The following LRRIQ3 variants were observed in gnomAD, a reference collection of about 807,000 sequenced individuals.
LRRIQ3 encodes leucine-rich repeat and IQ domain-containing protein 3.
In LRRIQ3, 75 loss-of-function variants were observed where a neutral mutation model predicts 59.3. The observed-to-expected ratio is 1.26, with a 90% CI of 1.05 to 1.53. LRRIQ3 has a LOEUF of 1.53. Among genes scored for constraint, LRRIQ3 ranks in the 40% most tolerant of loss-of-function variants. The pLI, the probability that LRRIQ3 is intolerant of heterozygous loss-of-function variation, is 0.00. For missense variants in LRRIQ3, 831 were observed against 710.0 expected, an observed-to-expected ratio of 1.17 and a Z score of -1.94; for synonymous variants, 250 against 231.3, an observed-to-expected ratio of 1.08 and a Z score of -0.73.
At chr1:74,070,349 A>G (rs1447244781) in intron 6 of LRRIQ3, among the ~76,000 whole-genome samples, 1 of 152,116 alleles carries the variant, frequency 6.6e-6, no homozygotes, top group Admixed American at 6.6e-5. Context: ...GCTGGAGGCC[A>G]TTATTCTAAG....
chr1:74,116,825 G>C (rs1486984266), intron 4 of LRRIQ3, among the ~76,000 whole-genome samples: 4 of 151,912 alleles, frequency 2.6e-5, no homozygotes, highest in African/African-American at 7.2e-5. Context: ...TATGATAATA[G>C]GTAATATACC....
intron 4 of LRRIQ3, among the ~76,000 whole-genome samples, chr1:74,150,137 G>A (rs1647838017): frequency 1.3e-5 from 2 of 152,116 alleles, no homozygotes; most frequent in East Asian, 1.9e-4. Flanking sequence ...AAAATCAGAT[G>A]TAAAGATTGG....
intron 3 of LRRIQ3, chr1:74,182,058 G>T (rs990887426): frequency 6.6e-6 from 1 of 151,758 alleles, no homozygotes; most frequent in East Asian, 1.9e-4. Context: ...TAATTAGTCT[G>T]TATCCGTTAA....
Position 74,183,631 on chromosome 1 carries a change from G to C in LRRIQ3, c.54C>G (p.His18Gln). 2.5e-6 allele frequency: 4 copies of C among 1,611,248 alleles called. 1 individual carries two copies. The South Asian group carries it at 4.4e-5, about 18-fold the overall frequency. The change falls in exon 2 of 8, where the codon CAC becomes CAG. Residue 18 changes from histidine to glutamine, a missense_variant. Transcript: ENST00000354431. ...EELTSHEEWS[H>Q]YNENIREGQK... ...GACCTTCTCTTATGTTTTCATTATA[G>C]TGACTCCATTCTTCATGACTGGTTA...
intron 5 of LRRIQ3, among the ~76,000 whole-genome samples, chr1:74,077,765 T>C (rs1364747214): frequency 6.6e-6 from 1 of 151,932 alleles, no homozygotes; most frequent in South Asian, 2.1e-4. Context: ...CTAAAGGAAC[T>C]GAGGCTTACA....
At chr1:74,127,093 C>T (rs572070165) in intron 4 of LRRIQ3, among the ~76,000 whole-genome samples, 147 of 151,964 alleles carry the variant, frequency 9.7e-4, no homozygotes, top group African/African-American at 3.4e-3. Context: ...ACCTCTGTAC[C>T]ATTATATAAT....
chr1:74,193,713 T>C (rs1390963322), intron 1 of LRRIQ3, among the ~76,000 whole-genome samples: 1 of 152,066 alleles, frequency 6.6e-6, no homozygotes, highest in Admixed American at 6.6e-5. Context: ...CATCATTATT[T>C]TAAGTAATAT....
At chr1:74,045,817 A>G (rs1654185385) in intron 6 of LRRIQ3, among the ~76,000 whole-genome samples, 2 of 152,108 alleles carry the variant, frequency 1.3e-5, no homozygotes, top group Admixed American at 1.3e-4. Context: ...TATACCAATA[A>G]AAGACAAACA....
intron 4 of LRRIQ3, among the ~76,000 whole-genome samples, chr1:74,125,632 CT>C (rs2100596815): frequency 6.6e-6 from 1 of 151,948 alleles, no homozygotes; most frequent in South Asian, 2.1e-4. Flanking sequence ...TCCTTCAATT[CT>C]GTTAATATAA....
chr1:74,151,492 A>T (rs1647956008), intron 4 of LRRIQ3, among the ~76,000 whole-genome samples: 1 of 152,110 alleles, frequency 6.6e-6, no homozygotes, highest in African/African-American at 2.4e-5. Context: ...AGACAATTGT[A>T]AGCCCACTGC....
At chr1:74,096,188 T>C (rs1194398081) in intron 5 of LRRIQ3, among the ~76,000 whole-genome samples, 1 of 152,090 alleles carries the variant, frequency 6.6e-6, no homozygotes, top group Non-Finnish European at 1.5e-5. Context: ...TATCTGTTTA[T>C]ATATTAAATC....
At chr1:74,063,591 A>G (rs1654789260) in intron 6 of LRRIQ3, among the ~76,000 whole-genome samples, 1 of 151,902 alleles carries the variant, frequency 6.6e-6, no homozygotes, top group Non-Finnish European at 1.5e-5. Flanking sequence ...ATATATTTTT[A>G]TATTTGTTAT....
chr1:74,057,564 C>T (rs1477540948), intron 6 of LRRIQ3, among the ~76,000 whole-genome samples: 1 of 152,040 alleles, frequency 6.6e-6, no homozygotes, highest in Non-Finnish European at 1.5e-5. Context: ...TGAAACTAGA[C>T]CCCTATCTCT....
At chr1:74,071,633 G>A (rs904109221) in intron 6 of LRRIQ3, among the ~76,000 whole-genome samples, 4 of 152,076 alleles carry the variant, frequency 2.6e-5, no homozygotes, top group African/African-American at 9.7e-5. Flanking sequence ...ACTGAGATAA[G>A]ATCTTTGATT....
intron 7 of LRRIQ3, among the ~76,000 whole-genome samples, chr1:74,029,353 G>A (rs541510592): frequency 2.2e-4 from 33 of 152,216 alleles, no homozygotes; most frequent in Non-Finnish European, 4.9e-4. Flanking sequence ...CTGTGGGTTT[G>A]TCATAAATAG....
intron 5 of LRRIQ3, among the ~76,000 whole-genome samples, chr1:74,097,661 T>C (rs565522058): frequency 1.3e-5 from 2 of 152,252 alleles, no homozygotes; most frequent in East Asian, 3.9e-4. Flanking sequence ...GAGAGAAAGG[T>C]TGGGTTACCC....
chr1:74,073,598 C>T lies in LRRIQ3; in HGVS notation c.997+1063G>A, dbSNP rs531130269. Among the ~76,000 whole-genome samples the T allele has an allele frequency of 1.8e-3, 224 of 127,196 alleles. 2 individuals carry two copies. Among genetic ancestry groups the T allele is most frequent in the African/African-American group, 5.8e-3 (208 of 35,872 alleles). 83.4% of individuals were successfully genotyped at this position (127,196 alleles called of 152,430 possible). ...TCAGCTGGCCTTCAACACAGTTGAA[C>T]AGTCCATTCTTTAAAAAAAAAAAAA... On this transcript the variant is annotated intron_variant, in intron 6 of 7. Coordinates refer to ENST00000354431, the MANE Select transcript of LRRIQ3 (RefSeq NM_001105659.2).
intron 7 of LRRIQ3, among the ~76,000 whole-genome samples, chr1:74,036,420 G>T (rs1294360515): frequency 1.3e-5 from 2 of 152,084 alleles, no homozygotes; most frequent in African/African-American, 4.8e-5. Context: ...CTACAAAATT[G>T]TCTATTCTTC....
chr1:74,155,940 A>T (rs1034998709), intron 3 of LRRIQ3, 74 bp from the exon 4 acceptor site: 2 of 868,158 alleles, frequency 2.3e-6, no homozygotes, highest in African/African-American at 3.6e-5. Context: ...TAAATTTGGT[A>T]ATCTATTGGT....
Sources: gnomAD v4.1 joint callset for allele counts (sites outside exome capture counted in the v4.1 genomes callset) on GRCh38, gnomAD v4.1.1 for gene constraint, MANE v1.5 for transcripts, NCBI Gene and HGNC (gene_info 2026-07-23, HGNC 2026-07-21) for gene names.